CAMKMT: variants seen among roughly 807,000 people sequenced by gnomAD.
The protein encoded by CAMKMT is calmodulin-lysine N-methyltransferase.
In CAMKMT, 53 loss-of-function variants were observed where a neutral mutation model predicts 48.0. That is an observed-to-expected ratio of 1.10 (90% CI 0.89 to 1.39). The LOEUF (loss-of-function observed/expected upper bound fraction) is 1.39, where lower values mean the gene tolerates loss of function less well. Ranked by LOEUF, CAMKMT falls within the 40% of genes most tolerant of loss-of-function variation. The pLI is 0.00. For synonymous variants in CAMKMT, 165 were observed against 152.3 expected (o/e 1.08, Z -0.61); for missense variants, 428 against 402.7 (o/e 1.06, Z -0.54).
At position 44,743,632 on chromosome 2, in the gene CAMKMT, T is replaced by A; in HGVS notation, c.634T>A (p.Trp212Arg). 6.2e-7 allele frequency: 1 copy of A among 1,612,022 alleles called. No individual in the cohort carries two copies. The highest frequency in any genetic ancestry group is 8.5e-7 in the Non-Finnish European group (1 of 1,178,894). ...CTTTTTCTCCTCAAGCGTTTTACGATGGGATAATGAGACAGATGTCTCTCA... is the reference window on the plus strand; with the variant it reads ...CTTTTTCTCCTCAAGCGTTTTACGAAGGGATAATGAGACAGATGTCTCTCA... ...TQKISSCVLR[W>R]DNETDVSQLE... Residue 212 changes from tryptophan to arginine, a missense_variant, in exon 8 of 11, where the codon TGG becomes AGG. Trp to Arg is a moderately radical substitution (Grantham distance 101). Coordinates refer to ENST00000378494, the MANE Select transcript of CAMKMT (RefSeq NM_024766.5).
intron 3 of CAMKMT, among the ~76,000 whole-genome samples, chr2:44,699,528 A>G (rs1677145076): frequency 1.3e-5 from 2 of 152,184 alleles, no homozygotes; most frequent in Admixed American, 1.3e-4. Context: ...AAACAGATGT[A>G]CTATCATCCA....
At chr2:44,389,960 T>A (rs72875385) in intron 2 of CAMKMT, among the ~76,000 whole-genome samples, 10,314 of 152,228 alleles carry the variant, frequency 0.068, 1,133 homozygotes, top group African/African-American at 0.23. Context: ...GGTTAAGAAC[T>A]TCCCTTTACA....
intron 3 of CAMKMT, among the ~76,000 whole-genome samples, chr2:44,465,240 A>C (rs184892395): frequency 6.6e-6 from 1 of 152,160 alleles, no homozygotes; most frequent in African/African-American, 2.4e-5. Flanking sequence ...GTAACCACAA[A>C]GAAAATACCT....
intron 3 of CAMKMT, among the ~76,000 whole-genome samples, chr2:44,436,307 A>T (rs1253187671): frequency 6.6e-6 from 1 of 152,042 alleles, no homozygotes; most frequent in African/African-American, 2.4e-5. Context: ...CGAACTCCTG[A>T]CCTCAAATGA....
intron 8 of CAMKMT, among the ~76,000 whole-genome samples, chr2:44,751,407 T>C (rs1445759187): frequency 6.6e-6 from 1 of 152,172 alleles, no homozygotes; most frequent in Non-Finnish European, 1.5e-5. Context: ...GCTGTGTGAC[T>C]CCAAACCTCT....
chr2:44,435,610 C>T (rs148921900), intron 3 of CAMKMT, among the ~76,000 whole-genome samples: 1 of 152,230 alleles, frequency 6.6e-6, no homozygotes, highest in African/African-American at 2.4e-5. Context: ...TCTGGCTTTC[C>T]AGTAGTGACT....
At chr2:44,724,260 C>T (rs755458932) in intron 7 of CAMKMT, among the ~76,000 whole-genome samples, 1 of 152,112 alleles carries the variant, frequency 6.6e-6, no homozygotes, top group Non-Finnish European at 1.5e-5. Flanking sequence ...CCAGCCTGGG[C>T]AACACGGCAA....
At chr2:44,453,954 G>T (rs1460442353) in intron 3 of CAMKMT, among the ~76,000 whole-genome samples, 1 of 151,958 alleles carries the variant, frequency 6.6e-6, no homozygotes, top group Non-Finnish European at 1.5e-5. Flanking sequence ...AAAGCTTGAG[G>T]CAGTGTTGTC....
At chr2:44,421,611 TAA>T (rs1049955106) in intron 3 of CAMKMT, among the ~76,000 whole-genome samples, 1 of 152,166 alleles carries the variant, frequency 6.6e-6, no homozygotes, top group Non-Finnish European at 1.5e-5. Flanking sequence ...TTTTTATAAC[TAA>T]AGTTTGTTTA....
intron 3 of CAMKMT, among the ~76,000 whole-genome samples, chr2:44,423,411 C>G (rs1394771710): frequency 6.6e-6 from 1 of 152,106 alleles, no homozygotes; most frequent in Admixed American, 6.5e-5. Context: ...AACTCCTGAC[C>G]TCAAGTGATC....
At chr2:44,374,934 A>G (rs1269311451) in intron 2 of CAMKMT, among the ~76,000 whole-genome samples, 2 of 152,130 alleles carry the variant, frequency 1.3e-5, no homozygotes, top group African/African-American at 4.8e-5. Context: ...GTTCAAGACT[A>G]GCCTTGGCAA....
intron 3 of CAMKMT, among the ~76,000 whole-genome samples, chr2:44,563,117 A>T: frequency 6.8e-6 from 1 of 146,492 alleles, no homozygotes; most frequent in South Asian, 2.2e-4. Context: ...AAAACTTACA[A>T]GGTTTACTTT....
intron 3 of CAMKMT, among the ~76,000 whole-genome samples, chr2:44,682,955 C>G (rs1369361906): frequency 6.6e-6 from 1 of 152,176 alleles, no homozygotes; most frequent in Non-Finnish European, 1.5e-5. Context: ...ATAAGTAAGA[C>G]TAATGACCGT....
At chr2:44,708,503 G>A (rs1281300333) in intron 6 of CAMKMT, among the ~76,000 whole-genome samples, 1 of 151,846 alleles carries the variant, frequency 6.6e-6, no homozygotes, top group Non-Finnish European at 1.5e-5. Context: ...CCAGCTAATT[G>A]CCTGACAGAC....
intron 3 of CAMKMT, among the ~76,000 whole-genome samples, chr2:44,501,531 A>G (rs1223980579): frequency 6.6e-6 from 1 of 152,178 alleles, no homozygotes; most frequent in African/African-American, 2.4e-5. Context: ...CCTATCTCCT[A>G]TCTCCTAACT....
intron 3 of CAMKMT, among the ~76,000 whole-genome samples, chr2:44,443,931 T>G (rs1000821855): frequency 3.3e-5 from 5 of 152,160 alleles, no homozygotes; most frequent in African/African-American, 1.2e-4. Flanking sequence ...AAAGAAAAAG[T>G]GCAAAGGCTT....
chr2:44,770,561 C>T (rs985738288), intron 10 of CAMKMT, among the ~76,000 whole-genome samples: 1 of 152,192 alleles, frequency 6.6e-6, no homozygotes, highest in African/African-American at 2.4e-5. Context: ...TATCCCCAAT[C>T]CCCAAGGAAA....
chr2:44,529,085 A>G (rs1357257186), intron 3 of CAMKMT, among the ~76,000 whole-genome samples: 3 of 152,190 alleles, frequency 2.0e-5, no homozygotes, highest in Non-Finnish European at 4.4e-5. Flanking sequence ...TAGTTTGTAT[A>G]GAAAAGGCAG....
chr2:44,563,799 C>T lies in CAMKMT; in HGVS notation c.377-140484C>T, dbSNP rs533988706. Among the ~76,000 whole-genome samples the T allele has an allele frequency of 5.2e-4, 79 of 152,292 alleles. 1 individual carries two copies. The South Asian group carries it at 0.01, about 20-fold the overall frequency. On this transcript the variant is annotated intron_variant, in intron 3 of 10. Transcript: ENST00000378494. ...TTCATCCATGTCCCTACAAAGGACA[C>T]GAACTCATCCTTTTTTTATGGCTGC...
Sources: allele counts gnomAD v4.1 joint callset (sites outside exome capture counted in the v4.1 genomes callset), GRCh38; gene constraint gnomAD v4.1.1; transcripts MANE v1.5; gene names NCBI Gene and HGNC (gene_info 2026-07-23, HGNC 2026-07-21).